DTWD2: variants seen among roughly 807,000 people sequenced by gnomAD.
DTWD2 encodes tRNA-uridine aminocarboxypropyltransferase 2.
In DTWD2, 39 loss-of-function variants were observed where a neutral mutation model predicts 31.8. The ratio of observed to expected loss-of-function variants is 1.22; its 90% CI spans 0.95 to 1.60. The LOEUF (loss-of-function observed/expected upper bound fraction) is 1.60. DTWD2 is among the 40% of genes most tolerant of loss of function. The pLI is 0.00. For synonymous variants in DTWD2, 180 were observed against 142.8 expected (o/e 1.26, Z -1.86); for missense variants, 515 against 381.5 (o/e 1.35, Z -2.92).
intron 3 of DTWD2, among the ~76,000 whole-genome samples, chr5:118,934,945 T>A (rs1163436291): frequency 6.6e-6 from 1 of 152,200 alleles, no homozygotes; most frequent in Non-Finnish European, 1.5e-5. Flanking sequence ...ATACAACTCC[T>A]AAAATCCTTA....
intron 4 of DTWD2, among the ~76,000 whole-genome samples, chr5:118,883,592 T>G (rs1034108827): frequency 6.6e-6 from 1 of 152,130 alleles, no homozygotes; most frequent in African/African-American, 2.4e-5. Flanking sequence ...CTCAGGAAAC[T>G]TACGATCATG....
chr5:118,864,264 G>A (rs1261593181), intron 4 of DTWD2, among the ~76,000 whole-genome samples: 1 of 150,098 alleles, frequency 6.7e-6, no homozygotes, highest in Admixed American at 6.6e-5. Context: ...ATCATTCTCA[G>A]TAAACTATTG....
intron 4 of DTWD2, among the ~76,000 whole-genome samples, chr5:118,872,455 C>T (rs1198869585): frequency 1.3e-5 from 2 of 152,126 alleles, no homozygotes; most frequent in African/African-American, 2.4e-5. Flanking sequence ...TTCACTTGAA[C>T]GCTTAGAGGC....
chr5:118,853,633 A>G (rs539307032), intron 4 of DTWD2, among the ~76,000 whole-genome samples: 1 of 152,322 alleles, frequency 6.6e-6, no homozygotes, highest in South Asian at 2.1e-4. Context: ...ATCCTAAGCA[A>G]ATTAATACAG....
At chr5:118,941,490 C>A (rs2149584930) in intron 2 of DTWD2, among the ~76,000 whole-genome samples, 1 of 152,258 alleles carries the variant, frequency 6.6e-6, no homozygotes, top group South Asian at 2.1e-4. Flanking sequence ...TCATCCATGT[C>A]CTACAAAGGA....
At chr5:118,905,315 T>C (rs952835327) in intron 4 of DTWD2, among the ~76,000 whole-genome samples, 6 of 152,054 alleles carry the variant, frequency 3.9e-5, no homozygotes, top group African/African-American at 7.2e-5. Context: ...ACTGGAGGAA[T>C]TGCTAATTAG....
intron 4 of DTWD2, among the ~76,000 whole-genome samples, chr5:118,854,918 C>A (rs1384688311): frequency 6.6e-6 from 1 of 151,878 alleles, no homozygotes; most frequent in African/African-American, 2.4e-5. Flanking sequence ...GTTGACTGGG[C>A]ACAGTGGCTC....
chr5:118,951,075 G>A (rs1379809962), intron 1 of DTWD2, among the ~76,000 whole-genome samples: 1 of 152,154 alleles, frequency 6.6e-6, no homozygotes, highest in Admixed American at 6.5e-5. Context: ...AACACTAACT[G>A]ATTTGGGAGA....
intron 4 of DTWD2, among the ~76,000 whole-genome samples, chr5:118,887,622 C>A (rs997720809): frequency 6.6e-6 from 1 of 152,034 alleles, no homozygotes; most frequent in East Asian, 1.9e-4. Context: ...GGTTGGCTGG[C>A]GTTTTGTTTT....
At chr5:118,844,114 A>G (rs1336112816) in intron 5 of DTWD2, among the ~76,000 whole-genome samples, 1 of 152,208 alleles carries the variant, frequency 6.6e-6, no homozygotes, top group Non-Finnish European at 1.5e-5. Flanking sequence ...AAACAGCATG[A>G]GAGATGCATA....
chr5:118,942,937 G>C (rs1264370904), intron 2 of DTWD2, among the ~76,000 whole-genome samples: 1 of 152,000 alleles, frequency 6.6e-6, no homozygotes, highest in East Asian at 1.9e-4. Flanking sequence ...CAAGTAGCTA[G>C]GCCTATAGGC....
At chr5:118,866,782 T>C (rs1402604999) in intron 4 of DTWD2, among the ~76,000 whole-genome samples, 1 of 151,934 alleles carries the variant, frequency 6.6e-6, no homozygotes, top group African/African-American at 2.4e-5. Flanking sequence ...CCAGGCGTGA[T>C]GGCACGTGCC....
chr5:118,887,528 C>A (rs982484753), intron 4 of DTWD2, among the ~76,000 whole-genome samples: 5 of 152,178 alleles, frequency 3.3e-5, no homozygotes, highest in African/African-American at 7.2e-5. Context: ...CTCCATATAT[C>A]AAAATCAGTA....
At chr5:118,891,162 T>C (rs1453405145) in intron 4 of DTWD2, among the ~76,000 whole-genome samples, 1 of 151,536 alleles carries the variant, frequency 6.6e-6, no homozygotes, top group East Asian at 1.9e-4. Context: ...TGTATTTAGG[T>C]TGTTTTCAAA....
intron 1 of DTWD2, among the ~76,000 whole-genome samples, chr5:118,954,497 T>G (rs1000300956): frequency 1.3e-5 from 2 of 152,056 alleles, no homozygotes; most frequent in Non-Finnish European, 2.9e-5. Context: ...GCTCAATAGA[T>G]ATTGCTGAAT....
intron 4 of DTWD2, among the ~76,000 whole-genome samples, chr5:118,926,396 A>C (rs765196869): frequency 6.6e-6 from 1 of 152,152 alleles, no homozygotes; most frequent in Non-Finnish European, 1.5e-5. Context: ...CTCTGGGTGG[A>C]AGGAGGGAGG....
intron 4 of DTWD2, among the ~76,000 whole-genome samples, chr5:118,881,743 T>C (rs1752747074): frequency 6.6e-6 from 1 of 152,130 alleles, no homozygotes; most frequent in African/African-American, 2.4e-5. Context: ...AAACTGCCAC[T>C]TTTAAAACCA....
chr5:118,884,421 T>C (rs903216265), intron 4 of DTWD2, among the ~76,000 whole-genome samples: 5 of 152,222 alleles, frequency 3.3e-5, no homozygotes, highest in Non-Finnish European at 5.9e-5. Flanking sequence ...TCAGTAACAC[T>C]AGAAGATAAT....
chr5:118,966,634 G>C (rs1780053515), intron 1 of DTWD2, among the ~76,000 whole-genome samples: 1 of 152,100 alleles, frequency 6.6e-6, no homozygotes, highest in African/African-American at 2.4e-5. Flanking sequence ...AAAGTTGATA[G>C]GAATGATACC....
Sources: gnomAD v4.1 joint callset for allele counts (sites outside exome capture counted in the v4.1 genomes callset) on GRCh38, gnomAD v4.1.1 for gene constraint, MANE v1.5 for transcripts, NCBI Gene and HGNC (gene_info 2026-07-23, HGNC 2026-07-21) for gene names.